The following FBXW7 variants were observed in gnomAD, a reference collection of about 807,000 sequenced individuals.
FBXW7 encodes the protein F-box/WD repeat-containing protein 7.
Under a neutral mutation model 86.3 loss-of-function variants are expected in FBXW7, and 11 were observed. The ratio of observed to expected loss-of-function variants is 0.13; its 90% confidence interval spans 0.08 to 0.21. FBXW7 has a LOEUF of 0.21. Ranked by LOEUF, FBXW7 falls within the 10% of genes least tolerant of loss-of-function variation. The probability of loss-of-function intolerance (pLI) is 1.00; values close to 1 mark genes in which losing one functional copy is unlikely to be tolerated. For missense variants in FBXW7, 488 were observed against 847.4 expected (o/e 0.58, Z 5.27); for synonymous variants, 313 against 297.9 (o/e 1.05, Z -0.52).
At chr4:152,477,095 C>G (rs979331734) in intron 2 of FBXW7, among the ~76,000 whole-genome samples, 2 of 151,812 alleles carry the variant, frequency 1.3e-5, no homozygotes, top group African/African-American at 2.4e-5. Flanking sequence ...GTCACTGCTA[C>G]TGCTTGCTGC....
At chr4:152,345,053 T>G (rs932198450) in intron 6 of FBXW7, among the ~76,000 whole-genome samples, 1 of 152,202 alleles carries the variant, frequency 6.6e-6, no homozygotes, top group Non-Finnish European at 1.5e-5. Context: ...TACATGCATG[T>G]GTTAGCATGG....
At chr4:152,449,241 GATTA>G (rs1003717003) in intron 2 of FBXW7, among the ~76,000 whole-genome samples, 9 of 152,136 alleles carry the variant, frequency 5.9e-5, no homozygotes, top group Non-Finnish European at 1.0e-4. Flanking sequence ...CTATACTATA[GATTA>G]ATTTACAGAA....
At chr4:152,456,537 A>G (rs1351596246) in intron 2 of FBXW7, among the ~76,000 whole-genome samples, 1 of 152,182 alleles carries the variant, frequency 6.6e-6, no homozygotes, top group Non-Finnish European at 1.5e-5. Context: ...CTCTTACTCA[A>G]AATAAATAAA....
chr4:152,369,271 G>A (rs1733777432), intron 4 of FBXW7, among the ~76,000 whole-genome samples: 1 of 151,978 alleles, frequency 6.6e-6, no homozygotes, highest in African/African-American at 2.4e-5. Context: ...CTCTGTAAAA[G>A]GTACTACTAT....
chr4:152,525,590 A>G (rs183567760), intron 2 of FBXW7, among the ~76,000 whole-genome samples: 9 of 152,174 alleles, frequency 5.9e-5, no homozygotes. Context: ...GCTACGGATA[A>G]TAGCCTCCAG....
chr4:152,402,046 G>A (rs1254742908), intron 4 of FBXW7, among the ~76,000 whole-genome samples: 1 of 152,082 alleles, frequency 6.6e-6, no homozygotes, highest in Non-Finnish European at 1.5e-5. Context: ...CATGTTAATG[G>A]GTCATGTTTC....
chr4:152,410,756 G>A (rs1442427030), intron 4 of FBXW7, among the ~76,000 whole-genome samples: 6 of 152,092 alleles, frequency 3.9e-5, no homozygotes, highest in South Asian at 2.1e-4. Flanking sequence ...TATAAAACAA[G>A]TATATTCAAG....
intron 4 of FBXW7, among the ~76,000 whole-genome samples, chr4:152,397,198 A>G (rs1037352686): frequency 3.3e-5 from 5 of 152,040 alleles, no homozygotes; most frequent in Non-Finnish European, 7.4e-5. Context: ...TTAACGAGAA[A>G]TGTCCTTATT....
At chr4:152,376,659 AC>A (rs2126759587) in intron 4 of FBXW7, among the ~76,000 whole-genome samples, 1 of 152,214 alleles carries the variant, frequency 6.6e-6, no homozygotes, top group Non-Finnish European at 1.5e-5. Flanking sequence ...TGAACCTAAC[AC>A]AGTATTGCTA....
At chr4:152,351,138 T>A (rs1731775073) in intron 4 of FBXW7, among the ~76,000 whole-genome samples, 1 of 152,090 alleles carries the variant, frequency 6.6e-6, no homozygotes, top group Admixed American at 6.6e-5. Context: ...ATCCTCATGT[T>A]TATAAGTAGG....
In FBXW7 at chr4:152,403,635, T is replaced by C. The variant is rs4443256; in HGVS notation, c.501+7668A>G. On this transcript the variant is annotated intron_variant, in intron 4 of 13. Transcript: ENST00000281708. ...CACCTCAGCTCACCACGCATTAGAC[T>C]CTCGGAAGGAGCATACAACCTAGAT... is the stretch of plus-strand genomic sequence containing the variant. 8.6e-3 allele frequency among the ~76,000 whole-genome samples: 1,313 copies of C among 152,148 alleles called. 26 individuals are homozygous for C. The highest frequency in any genetic ancestry group is 0.03 in the African/African-American group (1,236 of 41,488).
intron 6 of FBXW7, among the ~76,000 whole-genome samples, chr4:152,345,370 A>G (rs897904810): frequency 6.6e-6 from 1 of 152,160 alleles, no homozygotes; most frequent in African/African-American, 2.4e-5. Flanking sequence ...TGAAAATGAA[A>G]ACTTAAAAAA....
intron 2 of FBXW7, among the ~76,000 whole-genome samples, chr4:152,507,613 A>G (rs1046365778): frequency 3.9e-5 from 6 of 152,354 alleles, no homozygotes; most frequent in Admixed American, 3.9e-4. Context: ...AAAAGATGGT[A>G]AGATACAAGT....
chr4:152,454,756 A>G (rs1046005576), intron 2 of FBXW7, among the ~76,000 whole-genome samples: 1 of 152,176 alleles, frequency 6.6e-6, no homozygotes, highest in Non-Finnish European at 1.5e-5. Flanking sequence ...CCTAGAATGC[A>G]GAAGAAAAAG....
chr4:152,441,925 C>T (rs1045991182), intron 2 of FBXW7, among the ~76,000 whole-genome samples: 1 of 152,092 alleles, frequency 6.6e-6, no homozygotes, highest in Non-Finnish European at 1.5e-5. Flanking sequence ...AAAAGGTTAA[C>T]ACGATTTTTA....
intron 2 of FBXW7, among the ~76,000 whole-genome samples, chr4:152,485,082 A>G (rs755165903): frequency 2.6e-5 from 4 of 152,076 alleles, no homozygotes; most frequent in South Asian, 2.1e-4. Context: ...CTGGGAAACT[A>G]TAAGAGCTAA....
intron 4 of FBXW7, among the ~76,000 whole-genome samples, chr4:152,377,485 G>A (rs565194915): frequency 1.3e-5 from 2 of 151,852 alleles, no homozygotes; most frequent in Admixed American, 6.6e-5. Context: ...AGGCACGGTG[G>A]CTCTGCCTGT....
At chr4:152,459,570 C>G (rs903181297) in intron 2 of FBXW7, among the ~76,000 whole-genome samples, 1 of 152,104 alleles carries the variant, frequency 6.6e-6, no homozygotes, top group African/African-American at 2.4e-5. Flanking sequence ...CATACAGCAG[C>G]GACTCCAAAC....
chr4:152,527,559 G>A (rs929257472), intron 2 of FBXW7, among the ~76,000 whole-genome samples: 4 of 152,130 alleles, frequency 2.6e-5, no homozygotes, highest in Admixed American at 6.5e-5. Context: ...CTTGAGTCCT[G>A]GAGTTTGAGA....
Sources: gnomAD v4.1 joint callset for allele counts (sites outside exome capture counted in the v4.1 genomes callset) on GRCh38, gnomAD v4.1.1 for gene constraint, MANE v1.5 for transcripts, NCBI Gene and HGNC (gene_info 2026-07-23, HGNC 2026-07-21) for gene names.